Variants in TGFBR3 observed in about 807,000 individuals in gnomAD.
TGFBR3 encodes transforming growth factor beta receptor 3.
In TGFBR3, 46 loss-of-function variants were observed where a neutral mutation model predicts 87.9. The observed-to-expected ratio is 0.52, with a 90% CI of 0.41 to 0.67. The LOEUF (loss-of-function observed/expected upper bound fraction) is 0.67. TGFBR3 is among the 30% of genes least tolerant of loss of function. TGFBR3 has a pLI of 0.00. For synonymous variants in TGFBR3, 381 were observed against 391.6 expected (o/e 0.97, Z 0.32); for missense variants, 866 against 1,041.9 (o/e 0.83, Z 2.32).
chr1:91,688,417 T>C (rs11165262), intron 16 of TGFBR3, among the ~76,000 whole-genome samples: 24,846 of 152,210 alleles, frequency 0.16, 2,295 homozygotes, highest in Non-Finnish European at 0.21. Context: ...AAACTGGACT[T>C]GAAGCTCTGG....
intron 2 of TGFBR3, among the ~76,000 whole-genome samples, chr1:91,898,603 ATTT>A (rs911637275): frequency 6.7e-6 from 1 of 149,924 alleles, no homozygotes; most frequent in Non-Finnish European, 1.5e-5. Flanking sequence ...CGCCCAGCTA[ATTT>A]TTTTTTTATT....
At chr1:91,771,883 G>A (rs1645899225) in intron 3 of TGFBR3, among the ~76,000 whole-genome samples, 1 of 152,040 alleles carries the variant, frequency 6.6e-6, no homozygotes, top group African/African-American at 2.4e-5. Context: ...GATGGGGGCA[G>A]AGGGACAGGC....
intron 3 of TGFBR3, among the ~76,000 whole-genome samples, chr1:91,779,958 T>C (rs892011977): frequency 2.0e-5 from 3 of 152,186 alleles, no homozygotes; most frequent in African/African-American, 7.2e-5. Flanking sequence ...TCGTGGCTGC[T>C]GGCATTCTTT....
chr1:91,749,157 A>G (rs183713255), intron 4 of TGFBR3, among the ~76,000 whole-genome samples: 61 of 152,302 alleles, frequency 4.0e-4, no homozygotes, highest in Admixed American at 9.1e-4. Context: ...TTGGCTCCAA[A>G]CAGCAGCTCT....
intron 2 of TGFBR3, among the ~76,000 whole-genome samples, chr1:91,830,872 C>G (rs1312081523): frequency 1.3e-5 from 2 of 152,194 alleles, no homozygotes; most frequent in East Asian, 3.9e-4. Context: ...CTTCTGCACC[C>G]TGTGTGCCGA....
rs557132290 is a variant in TGFBR3 at position 91,865,909 on chromosome 1, C to T, written c.-113-4265G>A. Among the ~76,000 whole-genome samples the T allele has an allele frequency of 4.2e-4, 37 of 88,604 alleles. 1 individual carries two copies. The East Asian group carries it at 0.014, about 33-fold the overall frequency. The allele number at this position is 88,604 out of a possible 152,430, so 58.1% of individuals were successfully genotyped here. On this transcript the variant is annotated intron_variant, in intron 1 of 16. Transcript: ENST00000212355. ...CCTGGGTGACAGAGCGAGACTACGT[C>T]TCCCAAAAAAAAAAAAAAAAAGAAA...
At chr1:91,684,299 C>G (rs138498770) in intron 16 of TGFBR3, among the ~76,000 whole-genome samples, 1 of 152,308 alleles carries the variant, frequency 6.6e-6, no homozygotes, top group East Asian at 1.9e-4. Context: ...TAAGAGAACC[C>G]TGGAAGTTTG....
intron 3 of TGFBR3, among the ~76,000 whole-genome samples, chr1:91,775,861 A>C (rs1294045215): frequency 6.6e-6 from 1 of 152,228 alleles, no homozygotes. Context: ...TTCATTTTCC[A>C]AGATTCCTTT....
At chr1:91,780,884 TACACAC>T (rs56862200) in intron 3 of TGFBR3, among the ~76,000 whole-genome samples, 14,504 of 132,494 alleles carry the variant, frequency 0.11, 906 homozygotes, top group East Asian at 0.2. Flanking sequence ...ACTAGAGAAC[TACACAC>T]ACACACACAC....
At chr1:91,896,644 T>C (rs1472337254) in intron 2 of TGFBR3, among the ~76,000 whole-genome samples, 1 of 152,198 alleles carries the variant, frequency 6.6e-6, no homozygotes, top group African/African-American at 2.4e-5. Flanking sequence ...TGACTAAAGC[T>C]AGCTGAAAGA....
At position 91,716,325 on chromosome 1, in the gene TGFBR3, A is replaced by T; in HGVS notation, c.1777T>A (p.Phe593Ile). The part of the protein sequence containing the change: ...FQEQPHGNIT[F>I]NMELYNTDLF... ...TCAGTGTTGTATAGCTCCATGTTGA[A>T]GGTGATGTTTCCGTGGGGCTGTTCC... The change falls in exon 12 of 17, where the codon TTC (phenylalanine) becomes ATC (isoleucine). Residue 593 changes from phenylalanine to isoleucine, a missense_variant. Transcript: ENST00000212355. 1 of 1,614,194 alleles carries T rather than the reference A, an allele frequency of 6.2e-7. No individual in the cohort carries two copies. Among genetic ancestry groups the T allele is most frequent in the Non-Finnish European group, 8.5e-7 (1 of 1,180,036 alleles).
intron 14 of TGFBR3, among the ~76,000 whole-genome samples, chr1:91,706,505 C>T (rs1344616688): frequency 6.6e-6 from 1 of 152,168 alleles, no homozygotes; most frequent in African/African-American, 2.4e-5. Context: ...AGAGGTTACC[C>T]TATATGGTCT....
intron 4 of TGFBR3, among the ~76,000 whole-genome samples, chr1:91,743,821 G>A (rs1056187696): frequency 9.9e-5 from 15 of 152,216 alleles, no homozygotes; most frequent in Non-Finnish European, 1.5e-5. Flanking sequence ...GAGCAACCAC[G>A]TGTCTGCCAG....
chr1:91,715,142 C>G (rs917785159), intron 12 of TGFBR3, among the ~76,000 whole-genome samples: 1 of 152,222 alleles, frequency 6.6e-6, no homozygotes, highest in Admixed American at 6.5e-5. Context: ...ATAAGACCAA[C>G]AGATGATATG....
intron 15 of TGFBR3, 60 bp from the exon 16 acceptor site, chr1:91,695,839 AT>A: frequency 1.5e-6 from 2 of 1,330,806 alleles, no homozygotes; most frequent in Non-Finnish European, 2.2e-6. Flanking sequence ...ATGCATTGCA[AT>A]TTTATATTTG....
chr1:91,800,234 AAAAAAAAAT>A (rs1474783637), intron 2 of TGFBR3, among the ~76,000 whole-genome samples: 23 of 103,326 alleles, frequency 2.2e-4, no homozygotes, highest in Admixed American at 8.4e-4. Flanking sequence ...TCTACAAAAA[AAAAAAAAAT>A]ATATATATAT....
chr1:91,858,677 C>T (rs1229547508), intron 2 of TGFBR3, among the ~76,000 whole-genome samples: 3 of 146,658 alleles, frequency 2.0e-5, no homozygotes, highest in Non-Finnish European at 4.5e-5. Context: ...TTATGTTGTG[C>T]AAAAGGGAAA....
In TGFBR3 at chr1:91,764,317, CAAAAAAAAAAA is replaced by C. The variant is rs200776741; in HGVS notation, c.247-5578_247-5568del. 6.1e-3 allele frequency among the ~76,000 whole-genome samples: 470 copies of C among 77,376 alleles called. 5 individuals carry two copies. Among genetic ancestry groups the C allele is most frequent in the Middle Eastern group, 0.027 (3 of 112 alleles). 50.8% of individuals were successfully genotyped at this position (77,376 alleles called of 152,430 possible). ...TCATCTAATATAACCACAAAAGAGACAAAAAAAAAAAAAAAAAAAAAACCTAAAATGAAAGT... is the reference window on the plus strand; with the variant it reads ...TCATCTAATATAACCACAAAAGAGACAAAAAAAAAAACCTAAAATGAAAGT... On this transcript the variant is annotated intron_variant, in intron 3 of 16. Coordinates refer to ENST00000212355, the MANE Select transcript of TGFBR3 (RefSeq NM_003243.5).
chr1:91,724,012 A>T (rs1169979377), intron 7 of TGFBR3, among the ~76,000 whole-genome samples: 7 of 152,214 alleles, frequency 4.6e-5, no homozygotes, highest in African/African-American at 1.7e-4. Context: ...CAAATCTTAA[A>T]GGATCTCATT....
Sources: allele counts gnomAD v4.1 joint callset (sites outside exome capture counted in the v4.1 genomes callset), GRCh38; gene constraint gnomAD v4.1.1; transcripts MANE v1.5; gene names NCBI Gene and HGNC (gene_info 2026-07-23, HGNC 2026-07-21).